KRT8: variants seen among roughly 807,000 people sequenced by gnomAD.
KRT8 encodes the protein keratin, type II cytoskeletal 8.
A neutral mutation model predicts 43.0 loss-of-function variants in KRT8; 24 were observed. That is an observed-to-expected ratio of 0.56 (90% CI 0.40 to 0.78). The LOEUF (loss-of-function observed/expected upper bound fraction) is 0.78. Among genes scored for constraint, KRT8 ranks in the 30% least tolerant of loss-of-function variants. KRT8 has a pLI of 0.00. For synonymous variants in KRT8, 214 were observed against 261.2 expected (o/e 0.82, Z 1.74); for missense variants, 492 against 638.4 (o/e 0.77, Z 2.47).
chr12:52,918,236 A>AAGG (rs1941813434), intron 2 of KRT8, among the ~76,000 whole-genome samples: 2 of 151,214 alleles, frequency 1.3e-5, no homozygotes, highest in Non-Finnish European at 3.0e-5. Context: ...GAAGAAGAAG[A>AAGG]AGAAGAAGAA....
At chr12:52,932,466 CTTT>C (rs898040573) in intron 2 of KRT8, among the ~76,000 whole-genome samples, 28 of 152,242 alleles carry the variant, frequency 1.8e-4, no homozygotes, top group African/African-American at 6.3e-4. Flanking sequence ...CTCCCCACTT[CTTT>C]GTGTTTGTTT....
intron 2 of KRT8, among the ~76,000 whole-genome samples, chr12:52,921,233 A>T (rs1941880398): frequency 6.6e-6 from 1 of 152,096 alleles, no homozygotes; most frequent in Non-Finnish European, 1.5e-5. Context: ...GCCACATTCT[A>T]CCTTCTCTCT....
intron 2 of KRT8, chr12:52,901,443 C>T (rs771686122): frequency 1.1e-4 from 67 of 600,350 alleles, no homozygotes; most frequent in Non-Finnish European, 1.9e-4. Flanking sequence ...GAATACACAT[C>T]GGATTGGACA....
In KRT8 at chr12:52,898,455, A is replaced by C. The variant is rs1257874888; in HGVS notation, c.1261+6T>G. 4 of 1,612,886 alleles carry C rather than the reference A, an allele frequency of 2.5e-6. No individual in the cohort carries two copies. Among genetic ancestry groups the C allele is most frequent in the Non-Finnish European group, 3.4e-6 (4 of 1,179,480 alleles). ...CGCCCTCATCCCAGGGCCCTGGGAC[A>C]CCCACCTGCATAGCCGCTGGTGGTC... On this transcript the variant is annotated splice_donor_region_variant and intron_variant, in intron 7 of 7. Coordinates refer to ENST00000692008, the Ensembl canonical transcript of KRT8.
rs1565725657 is a variant in KRT8, at chr12:52,918,197, A to AAGAAGAAGAAGAAGAAGAAGAAGG, written c.-46-13171_-46-13170insCCTTCTTCTTCTTCTTCTTCTTCT. 1.9e-4 allele frequency among the ~76,000 whole-genome samples: 23 copies of AAGAAGAAGAAGAAGAAGAAGAAGG among 123,392 alleles called. 1 individual carries two copies. Among genetic ancestry groups the AAGAAGAAGAAGAAGAAGAAGAAGG allele is most frequent in the Non-Finnish European group, 3.0e-4 (18 of 59,938 alleles). 80.9% of individuals were successfully genotyped at this position (123,392 alleles called of 152,430 possible). A position where few individuals can be genotyped will look rare whatever the true frequency, so the allele number is the denominator to read the frequency against. On this transcript the variant is annotated intron_variant, in intron 2 of 6. Transcript: ENST00000546826. Reference sequence around the variant, plus strand: ...GAGGAAGAGGAAGAAGAAGAAGAAGAAGAAGAACAAGAAGAAGAAGAAGAA... The same window carrying AAGAAGAAGAAGAAGAAGAAGAAGG: ...GAGGAAGAGGAAGAAGAAGAAGAAGAAGAAGAAGAAGAAGAAGAAGAAGGAGAAGAACAAGAAGAAGAAGAAGAA...
At chr12:52,905,740 CACACAT>C (rs60214562), upstream of KRT8, among the ~76,000 whole-genome samples, 1,910 of 15,624 alleles carry the variant, frequency 0.12, 38 homozygotes, top group African/African-American at 0.44. Flanking sequence ...CACACACACA[CACACAT>C]ACACATACAC....
intron 2 of KRT8, among the ~76,000 whole-genome samples, chr12:52,942,146 C>T (rs1410088182): frequency 6.6e-6 from 1 of 151,974 alleles, no homozygotes; most frequent in Non-Finnish European, 1.5e-5. Context: ...TGAACTAAAC[C>T]GACAGCCTTA....
intron 2 of KRT8, among the ~76,000 whole-genome samples, chr12:52,917,606 G>A (rs1592173576): frequency 6.6e-6 from 1 of 151,846 alleles, no homozygotes; most frequent in East Asian, 1.9e-4. Context: ...CTACTTGGGA[G>A]GCTGAGGCAG....
At chr12:52,914,469 G>A (rs1592171854) in intron 2 of KRT8, among the ~76,000 whole-genome samples, 1 of 151,628 alleles carries the variant, frequency 6.6e-6, no homozygotes, top group East Asian at 1.9e-4. Context: ...GCCAGGAGGT[G>A]GAGGTTGCAG....
chr12:52,897,531 C>T, exon 8 of KRT8: 3 of 1,598,476 alleles, frequency 1.9e-6, no homozygotes, highest in Non-Finnish European at 2.5e-6. Context: ...GCTGAAGGAG[C>T]TGGAGCCCGC....
intron 2 of KRT8, among the ~76,000 whole-genome samples, chr12:52,914,840 G>T (rs187973378): frequency 5.3e-5 from 8 of 152,086 alleles, no homozygotes; most frequent in Non-Finnish European, 1.0e-4. Flanking sequence ...CTTCGTCCTC[G>T]GGCAGGCCAT....
chr12:52,930,965 T>C (rs1467858088), intron 2 of KRT8, among the ~76,000 whole-genome samples: 1 of 152,216 alleles, frequency 6.6e-6, no homozygotes, highest in Admixed American at 6.5e-5. Flanking sequence ...ATCTCCACTC[T>C]TGTCTTTTCA....
At chr12:52,928,519 C>T (rs1942032088) in intron 2 of KRT8, among the ~76,000 whole-genome samples, 4 of 152,172 alleles carry the variant, frequency 2.6e-5, no homozygotes, top group Admixed American at 2.0e-4. Flanking sequence ...AATAGTATCT[C>T]TCCCTTGCCA....
Position 52,917,405 on chromosome 12 carries a change from A to G in KRT8, c.-46-12378T>C, listed in dbSNP as rs1418280597. Reference sequence around the variant, plus strand: ...CAAGAGTGAAACTCCATCTCAAAAAAAAAAAAGAAAAAAAAGAAAAGACTG... The same window carrying G: ...CAAGAGTGAAACTCCATCTCAAAAAGAAAAAAGAAAAAAAAGAAAAGACTG... On this transcript the variant is annotated intron_variant, in intron 2 of 6. Coordinates refer to the KRT8 transcript ENST00000546826. Among the ~76,000 whole-genome samples the G allele has an allele frequency of 3.3e-5, 5 of 151,016 alleles. No individual in the cohort carries two copies. In the East Asian group the frequency reaches 5.9e-4, roughly 18 times the overall value.
At chr12:52,934,014 G>C (rs1942126214) in intron 2 of KRT8, among the ~76,000 whole-genome samples, 1 of 151,548 alleles carries the variant, frequency 6.6e-6, no homozygotes, top group South Asian at 2.1e-4. Context: ...TGGATCACAA[G>C]GTCAGGAGTT....
intron 2 of KRT8, among the ~76,000 whole-genome samples, chr12:52,917,733 G>T (rs537436542): frequency 1.1e-3 from 143 of 125,238 alleles, no homozygotes; most frequent in African/African-American, 4.1e-3. Context: ...AAAAAAATTC[G>T]CCAGGCGTTG....
In KRT8 at chr12:52,899,907, C is replaced by G. The variant is rs1460996111; in HGVS notation, c.849G>C (p.Gln283His). The change falls in exon 5 of 8, where the codon CAG (glutamine) becomes CAC (histidine). Residue 283 changes from glutamine (Q) to histidine (H), a missense_variant. Physicochemically the swap from Gln to His is conservative, Grantham distance 24 (BLOSUM62 0). Around this residue, in one of 3 missense-constraint regions of KRT8, gnomAD observed 389 missense variants for 485.7 expected, o/e 0.80. Coordinates refer to ENST00000692008, the Ensembl canonical transcript of KRT8. ...GGCTCTGCAGCTCCTCATACTTGAT[C>G]TGGTACATGCTCTCAGCCTCAGCCC... is the stretch of plus-strand genomic sequence containing the variant. 17 of 1,613,036 alleles carry G rather than the reference C, an allele frequency of 1.1e-5. No homozygotes were observed. The highest frequency in any genetic ancestry group is 1.7e-5 in the Admixed American group (1 of 60,004).
At chr12:52,900,980 C>T in intron 3 of KRT8, 179 bp downstream of exon 3, 1 of 693,088 alleles carries the variant, frequency 1.4e-6, no homozygotes, top group Non-Finnish European at 2.6e-6. Context: ...GTCAAGAGTT[C>T]TGTCCAAATG....
intron 2 of KRT8, among the ~76,000 whole-genome samples, chr12:52,938,274 T>G (rs1309202945): frequency 1.3e-5 from 2 of 148,370 alleles, no homozygotes; most frequent in African/African-American, 2.5e-5. Flanking sequence ...GTTCAAGTGA[T>G]TCTCGTGCCT....
Sources: gnomAD v4.1 joint callset for allele counts (sites outside exome capture counted in the v4.1 genomes callset) on GRCh38, gnomAD v4.1.1 for gene constraint, gnomAD v4.1.1 regional missense constraint, MANE v1.5 for transcripts, NCBI Gene and HGNC (gene_info 2026-07-23, HGNC 2026-07-21) for gene names.